The following EPB41L1 variants were observed in gnomAD, a reference collection of about 807,000 sequenced individuals.
EPB41L1 encodes the protein erythrocyte membrane protein band 4.1 like 1.
A neutral mutation model predicts 97.8 loss-of-function variants in EPB41L1; 29 were observed. The ratio of observed to expected loss-of-function variants is 0.30; its 90% CI spans 0.22 to 0.40. The LOEUF is 0.40. Among genes scored for constraint, EPB41L1 ranks in the 10% least tolerant of loss-of-function variants. The pLI is 1.00. For synonymous variants in EPB41L1, 383 were observed against 459.2 expected (o/e 0.83, Z 2.12); for missense variants, 812 against 1,162.3 (o/e 0.70, Z 4.38).
At position 36,173,941 on chromosome 20, in the gene EPB41L1, G is replaced by A. The variant is rs562835358; in HGVS notation, c.164G>A (p.Arg55Gln). The A allele has an allele frequency of 9.3e-6, 15 of 1,612,928 alleles. No homozygotes were observed. Among genetic ancestry groups the A allele is most frequent in the Middle Eastern group, 1.7e-4 (1 of 6,056 alleles). The change falls in exon 2 of 22, where the codon CGG becomes CAG. Residue 55 changes from arginine (R) to glutamine (Q), a missense_variant. Arg to Gln is a conservative substitution (Grantham distance 43). Transcript: ENST00000338074. ...NEKHPSQQDT[R>Q]PAEQSLDMEE... Reference sequence around the variant, plus strand: ...AAGCATCCATCCCAGCAGGACACGCGGCCTGCTGAACAGGTGTGTGCCCGA... The same window carrying A: ...AAGCATCCATCCCAGCAGGACACGCAGCCTGCTGAACAGGTGTGTGCCCGA...
At position 36,209,708 on chromosome 20, in the gene EPB41L1, G is replaced by A. The variant is rs754178599; in HGVS notation, c.1889G>A (p.Gly630Asp). Reference sequence around the variant, plus strand: ...TTCACGGTCATTGGTGACTACCATGGCAGCGCCTTCGAAGACTTCTCCCGC... The same window carrying A: ...TTCACGGTCATTGGTGACTACCATGACAGCGCCTTCGAAGACTTCTCCCGC... Reference protein sequence around the residue: ...VDFTVIGDYHGSAFEDFSRSL... With the variant: ...VDFTVIGDYHDSAFEDFSRSL... The change falls in exon 15 of 22, where the codon GGC becomes GAC. Residue 630 changes from glycine (G) to aspartate (D), a missense_variant. By Grantham distance (94) the Gly-to-Asp change is moderately conservative. Around this residue, in one of 3 missense-constraint regions of EPB41L1, gnomAD observed 498 missense variants for 622.7 expected, o/e 0.80. Coordinates refer to ENST00000338074, the MANE Select transcript of EPB41L1 (RefSeq NM_012156.2). The surrounding 1 kb of genome is among the most constrained non-coding windows in gnomAD (Gnocchi z 4.2). The A allele has an allele frequency of 1.2e-6, 2 of 1,614,168 alleles. No homozygotes were observed. Among genetic ancestry groups the A allele is most frequent in the Middle Eastern group, 1.6e-4 (1 of 6,062 alleles).
chr20:36,206,349 G>A lies in EPB41L1; in HGVS notation c.1669-3139G>A, dbSNP rs759989591. The A allele has an allele frequency of 3.1e-6, 4 of 1,289,940 alleles. No individual in the cohort carries two copies. The highest frequency in any genetic ancestry group is 1.2e-5 in the South Asian group (1 of 81,030). 79.9% of individuals were successfully genotyped at this position (1,289,940 alleles called of 1,614,324 possible). On this transcript the variant is annotated intron_variant, in intron 14 of 21. Coordinates refer to ENST00000338074, the MANE Select transcript of EPB41L1 (RefSeq NM_012156.2). The surrounding 1 kb of genome is among the most constrained non-coding windows in gnomAD (Gnocchi z 5.5). ...CTCCAGGGACCAGGCCAGCAGAGGT[G>A]GACGTCCTCTCTCCAGCCTCCGACA...
chr20:36,159,479 C>T (rs991221300), intron 1 of EPB41L1, among the ~76,000 whole-genome samples: 3 of 152,164 alleles, frequency 2.0e-5, no homozygotes, highest in East Asian at 1.9e-4. Flanking sequence ...GACTGCTCTG[C>T]GACAGAGGTG....
At position 36,099,636 on chromosome 20, in the gene EPB41L1, G is replaced by A. The variant is rs1013920807; in HGVS notation, c.-65+8024G>A. 2.0e-5 allele frequency among the ~76,000 whole-genome samples: 3 copies of A among 152,104 alleles called. No homozygotes were observed. The South Asian group carries it at 6.2e-4, about 32-fold the overall frequency. On this transcript the variant is annotated intron_variant, in intron 1 of 19. Coordinates refer to the EPB41L1 transcript ENST00000202028. Reference sequence around the variant, plus strand: ...GCTCAGAGGCATCCCATGAAGTGTCGCCTCTGTCTGAGTTGGGAGGACCTT... The same window carrying A: ...GCTCAGAGGCATCCCATGAAGTGTCACCTCTGTCTGAGTTGGGAGGACCTT...
chr20:36,203,415 A>G lies in EPB41L1; in HGVS notation c.1668+5374A>G, dbSNP rs527989656. ...CATTGCCTGGCACATAGCAACTAAC[A>G]ATCACTATACGTTTCCCCTTTCTTC... On this transcript the variant is annotated intron_variant, in intron 14 of 21. Transcript: ENST00000338074. 6.6e-5 allele frequency among the ~76,000 whole-genome samples: 10 copies of G among 152,356 alleles called. No individual in the cohort carries two copies. The South Asian group carries it at 2.1e-3, about 32-fold the overall frequency.
In EPB41L1 at chr20:36,231,344, C is replaced by T. The variant is rs1206354635; in HGVS notation, c.*2004C>T. 6.6e-6 allele frequency: 1 copy of T among 152,246 alleles called. No individual in the cohort carries two copies. Among genetic ancestry groups the T allele is most frequent in the Non-Finnish European group, 1.5e-5 (1 of 68,052 alleles). 9.4% of individuals were successfully genotyped at this position (152,246 alleles called of 1,614,324 possible). ...CTCAGTTCCATTTTACCTCCCAGTC[C>T]TCCTTCTAAACCAGTTAATAAATTC... On this transcript the variant is annotated 3_prime_UTR_variant, in exon 22 of 22. Transcript: ENST00000338074.
intron 2 of EPB41L1, among the ~76,000 whole-genome samples, chr20:36,115,176 G>C (rs114574921): frequency 2.0e-5 from 3 of 152,020 alleles, no homozygotes. Flanking sequence ...CCATATTATC[G>C]ATGAGGAAAC....
intron 4 of EPB41L1, among the ~76,000 whole-genome samples, chr20:36,178,318 A>G (rs1296217780): frequency 1.3e-5 from 2 of 152,106 alleles, no homozygotes; most frequent in African/African-American, 4.8e-5. Flanking sequence ...TCCCTGCTAG[A>G]GCTTCTCCCC....
intron 7 of EPB41L1, among the ~76,000 whole-genome samples, chr20:36,187,007 T>C (rs2146254574): frequency 6.6e-6 from 1 of 152,350 alleles, no homozygotes; most frequent in South Asian, 2.1e-4. Context: ...GCCGGTTTTT[T>C]CATCTGTAAA....
At chr20:36,155,962 G>A (rs1235180386) in intron 1 of EPB41L1, among the ~76,000 whole-genome samples, 1 of 151,928 alleles carries the variant, frequency 6.6e-6, no homozygotes, top group Admixed American at 6.6e-5. Context: ...CTTGAGCCAG[G>A]TCAAGATCTG....
At position 36,229,755 on chromosome 20, in the gene EPB41L1, G is replaced by A. The variant is rs2064405519; in HGVS notation, c.*415G>A. The A allele has an allele frequency of 6.3e-6, 1 of 159,448 alleles. No homozygotes were observed. Among genetic ancestry groups the A allele is most frequent in the Admixed American group, 6.2e-5 (1 of 16,048 alleles). 9.9% of individuals were successfully genotyped at this position (159,448 alleles called of 1,614,324 possible). A position where few individuals can be genotyped will look rare whatever the true frequency, so the allele number is the denominator to read the frequency against. On this transcript the variant is annotated 3_prime_UTR_variant, in exon 22 of 22. Coordinates refer to ENST00000338074, the MANE Select transcript of EPB41L1 (RefSeq NM_012156.2). ...GATTGTAGAAGTCCCTCCCGCCCTG[G>A]TTCTGCACGTTACAGTTAGCAGACG...
At chr20:36,151,951 A>C (rs2060069166), upstream of EPB41L1, 1 of 152,166 alleles carries the variant, frequency 6.6e-6, no homozygotes, top group African/African-American at 2.4e-5. Context: ...AATGCAAAAA[A>C]AAATTAGCTG....
intron 11 of EPB41L1, among the ~76,000 whole-genome samples, 164 bp from the exon 12 acceptor site, chr20:36,194,048 C>T (rs558015504): frequency 6.6e-6 from 1 of 152,316 alleles, no homozygotes; most frequent in South Asian, 2.1e-4. Context: ...CTGCCACTCA[C>T]TGGCCATGTG....
intron 21 of EPB41L1, among the ~76,000 whole-genome samples, chr20:36,224,844 C>T (rs1205757372): frequency 4.6e-5 from 7 of 151,320 alleles, no homozygotes; most frequent in African/African-American, 7.3e-5. Context: ...TTTTTTGAGA[C>T]GGAGTCTCAC....
intron 15 of EPB41L1, among the ~76,000 whole-genome samples, chr20:36,211,947 C>T (rs2063157209): frequency 6.6e-6 from 1 of 152,164 alleles, no homozygotes; most frequent in African/African-American, 2.4e-5. Flanking sequence ...AAACACTTAG[C>T]CCAGGGCCTG....
chr20:36,094,783 C>T (rs1014981824), intron 1 of EPB41L1, among the ~76,000 whole-genome samples: 2 of 152,060 alleles, frequency 1.3e-5, no homozygotes, highest in Non-Finnish European at 2.9e-5. Flanking sequence ...AAAAGCTGGC[C>T]TGGAGTTCAT....
chr20:36,142,501 C>T (rs577225584), intron 2 of EPB41L1, among the ~76,000 whole-genome samples: 22 of 152,274 alleles, frequency 1.4e-4, no homozygotes, highest in African/African-American at 2.4e-4. Context: ...ACTTTTTCAA[C>T]GATGAAAGAT....
chr20:36,142,510 A>G (rs1027561955), intron 2 of EPB41L1, among the ~76,000 whole-genome samples: 3 of 152,218 alleles, frequency 2.0e-5, no homozygotes, highest in Non-Finnish European at 2.9e-5. Flanking sequence ...ACGATGAAAG[A>G]TGAAACCAGT....
chr20:36,132,752 G>A (rs978302134), intron 2 of EPB41L1, among the ~76,000 whole-genome samples: 4 of 151,792 alleles, frequency 2.6e-5, no homozygotes, highest in African/African-American at 7.3e-5. Context: ...ATGATGGGGG[G>A]CCCGGAAGGA....
Sources: gnomAD v4.1 joint callset for allele counts (sites outside exome capture counted in the v4.1 genomes callset) on GRCh38, gnomAD v4.1.1 for gene constraint, gnomAD v4.1.1 regional missense constraint, Gnocchi (gnomAD v3.1) non-coding constraint, MANE v1.5 for transcripts, NCBI Gene and HGNC (gene_info 2026-07-23, HGNC 2026-07-21) for gene names.